The following HTR7 variants were observed in gnomAD, a reference collection of about 807,000 sequenced individuals.
HTR7 encodes the protein 5-HT-7.
A neutral mutation model predicts 34.0 loss-of-function variants in HTR7; 16 were observed. The observed-to-expected ratio is 0.47, with a 90% CI of 0.32 to 0.71. The LOEUF (loss-of-function observed/expected upper bound fraction) is 0.71. Among genes scored for constraint, HTR7 ranks in the 30% least tolerant of loss-of-function variants. The pLI, the probability that HTR7 is intolerant of heterozygous loss-of-function variation, is 0.04. For missense variants in HTR7, 504 were observed against 625.5 expected, an observed-to-expected ratio of 0.81 and a Z score of 2.07; for synonymous variants, 265 against 260.2, an observed-to-expected ratio of 1.02 and a Z score of -0.18.
chr10:90,856,118 G>A (rs936526477), intron 1 of HTR7, among the ~76,000 whole-genome samples: 8 of 152,180 alleles, frequency 5.3e-5, no homozygotes, highest in African/African-American at 1.9e-4. Context: ...ACATATAAAG[G>A]TTCTATAGAT....
At chr10:90,756,703 G>A (rs903912941) in intron 1 of HTR7, among the ~76,000 whole-genome samples, 1 of 152,040 alleles carries the variant, frequency 6.6e-6, no homozygotes, top group Admixed American at 6.6e-5. Context: ...GAGAAAATCA[G>A]ATTTAATTAA....
At chr10:90,785,029 C>G (rs1845360704) in intron 1 of HTR7, among the ~76,000 whole-genome samples, 1 of 152,200 alleles carries the variant, frequency 6.6e-6, no homozygotes, top group Non-Finnish European at 1.5e-5. Context: ...GAAAGACTCT[C>G]TGATCTCACT....
At chr10:90,843,930 A>C (rs1444087855) in intron 1 of HTR7, among the ~76,000 whole-genome samples, 2 of 152,252 alleles carry the variant, frequency 1.3e-5, no homozygotes, top group African/African-American at 2.4e-5. Context: ...TATCAAATTC[A>C]GTTTTCTGTA....
chr10:90,791,349 G>A (rs1275213162), intron 1 of HTR7, among the ~76,000 whole-genome samples: 1 of 151,978 alleles, frequency 6.6e-6, no homozygotes, highest in African/African-American at 2.4e-5. Context: ...CAGTGAGGGG[G>A]AGTTAGATTG....
chr10:90,839,360 A>C (rs1846294792), intron 1 of HTR7, among the ~76,000 whole-genome samples: 2 of 152,190 alleles, frequency 1.3e-5, no homozygotes, highest in African/African-American at 4.8e-5. Context: ...GATGGATTGG[A>C]GCATGCCTTT....
chr10:90,832,052 C>T (rs1000118211), intron 1 of HTR7, among the ~76,000 whole-genome samples: 7 of 152,168 alleles, frequency 4.6e-5, no homozygotes, highest in African/African-American at 1.7e-4. Context: ...ATTTACAATC[C>T]CTTAGCTAGA....
intron 1 of HTR7, among the ~76,000 whole-genome samples, chr10:90,820,831 A>G (rs1424752518): frequency 3.9e-5 from 6 of 152,176 alleles, no homozygotes; most frequent in Admixed American, 3.9e-4. Context: ...AAGTGGAACC[A>G]TCCTAAGTTG....
At chr10:90,819,238 A>G (rs192528742) in intron 1 of HTR7, among the ~76,000 whole-genome samples, 15 of 152,342 alleles carry the variant, frequency 9.8e-5, no homozygotes, top group African/African-American at 3.1e-4. Context: ...TTCACTCAAA[A>G]TAAATGACCT....
chr10:90,773,204 G>A (rs141160890), intron 1 of HTR7, among the ~76,000 whole-genome samples: 10 of 152,270 alleles, frequency 6.6e-5, no homozygotes, highest in East Asian at 1.9e-4. Context: ...CAGAGAAGTC[G>A]CAGCTGCTTG....
intron 1 of HTR7, among the ~76,000 whole-genome samples, chr10:90,769,704 GA>G (rs149651557): frequency 0.012 from 1,887 of 152,128 alleles, 31 homozygotes; most frequent in African/African-American, 0.039. Flanking sequence ...TTTAGAATTA[GA>G]AAATCAATTA....
intron 1 of HTR7, among the ~76,000 whole-genome samples, chr10:90,821,274 C>G (rs1450126054): frequency 6.6e-6 from 1 of 152,112 alleles, no homozygotes; most frequent in Non-Finnish European, 1.5e-5. Context: ...TGATGCCATC[C>G]CTTCCCCAAC....
chr10:90,808,209 G>A (rs2119952841), intron 1 of HTR7, among the ~76,000 whole-genome samples: 1 of 152,090 alleles, frequency 6.6e-6, no homozygotes, highest in Admixed American at 6.5e-5. Flanking sequence ...GGGGGGGCAA[G>A]TACCCCAACC....
chr10:90,778,242 T>C (rs1447186124), intron 1 of HTR7, among the ~76,000 whole-genome samples: 1 of 152,204 alleles, frequency 6.6e-6, no homozygotes, highest in African/African-American at 2.4e-5. Context: ...GTCCGGCCTT[T>C]AAGAGAAGAC....
chr10:90,780,536 C>CAA lies in HTR7; in HGVS notation c.540-30944_540-30943dup, dbSNP rs57590024. Among the ~76,000 whole-genome samples the CAA allele has an allele frequency of 2.4e-4, 17 of 70,926 alleles. No individual in the cohort carries two copies. The South Asian group carries it at 3.2e-3, about 13-fold the overall frequency. 46.5% of individuals were successfully genotyped at this position (70,926 alleles called of 152,430 possible). ...TGGGCGACAGAGTGAGACTCCATCT[C>CAA]AAAAAAAAAAAAAAAAAAATTCAAG... On this transcript the variant is annotated intron_variant, in intron 1 of 3. Transcript: ENST00000336152.
chr10:90,799,969 T>C (rs1040224833), intron 1 of HTR7, among the ~76,000 whole-genome samples: 2 of 152,196 alleles, frequency 1.3e-5, no homozygotes, highest in Non-Finnish European at 2.9e-5. Context: ...CTGCTACAAT[T>C]CAATAATAGA....
chr10:90,764,407 T>G (rs971744239), intron 1 of HTR7, among the ~76,000 whole-genome samples: 4 of 152,226 alleles, frequency 2.6e-5, no homozygotes, highest in African/African-American at 9.6e-5. Flanking sequence ...ATTCTGTAAG[T>G]TGTCTGATCA....
intron 1 of HTR7, among the ~76,000 whole-genome samples, chr10:90,840,673 A>C (rs1389137226): frequency 6.6e-6 from 1 of 152,196 alleles, no homozygotes; most frequent in South Asian, 2.1e-4. Context: ...ATATTAACAC[A>C]ACAACACTAC....
intron 1 of HTR7, among the ~76,000 whole-genome samples, chr10:90,844,420 T>A (rs990485844): frequency 1.3e-5 from 2 of 152,088 alleles, no homozygotes; most frequent in Non-Finnish European, 2.9e-5. Flanking sequence ...TATAATCACA[T>A]TTTTATGTTT....
intron 1 of HTR7, among the ~76,000 whole-genome samples, chr10:90,849,992 G>A (rs1342595169): frequency 6.6e-6 from 1 of 152,232 alleles, no homozygotes; most frequent in Non-Finnish European, 1.5e-5. Flanking sequence ...ATTGGGTGAA[G>A]GGTAAGGGGC....
Sources: gnomAD v4.1 joint callset for allele counts (sites outside exome capture counted in the v4.1 genomes callset) on GRCh38, gnomAD v4.1.1 for gene constraint, MANE v1.5 for transcripts, NCBI Gene and HGNC (gene_info 2026-07-23, HGNC 2026-07-21) for gene names.